Variants in POLR3E observed in about 807,000 individuals in gnomAD.
The protein encoded by POLR3E is DNA-directed RNA polymerase III subunit RPC5.
POLR3E carries 41 observed loss-of-function variants against 96.6 expected under a neutral mutation model. The observed-to-expected ratio is 0.42, with a 90% CI of 0.33 to 0.55. The LOEUF (loss-of-function observed/expected upper bound fraction) is 0.55. Among genes scored for constraint, POLR3E ranks in the 20% least tolerant of loss-of-function variants. The pLI, the probability that POLR3E is intolerant of heterozygous loss-of-function variation, is 0.06. For missense variants in POLR3E, 849 were observed against 952.1 expected, an observed-to-expected ratio of 0.89 and a Z score of 1.43; for synonymous variants, 396 against 383.6, an observed-to-expected ratio of 1.03 and a Z score of -0.38.
In POLR3E at chr16:22,311,268, C is replaced by CTTT. The variant is rs57435708; in HGVS notation, c.364+1778_364+1780dup. On this transcript the variant is annotated intron_variant, in intron 6 of 20. Coordinates refer to ENST00000299853, the MANE Select transcript of POLR3E (RefSeq NM_018119.4). ...ATAGGCATGAGCCACTGTGCCCAGCCTTTTTTTTTTTTTTTTTTTTTTAAT... is the reference window on the plus strand; with the variant it reads ...ATAGGCATGAGCCACTGTGCCCAGCCTTTTTTTTTTTTTTTTTTTTTTTTTAAT... 7.6e-3 allele frequency among the ~76,000 whole-genome samples: 829 copies of CTTT among 109,324 alleles called. 22 individuals carry two copies. Among genetic ancestry groups the CTTT allele is most frequent in the African/African-American group, 0.027 (748 of 27,722 alleles). 71.7% of individuals were successfully genotyped at this position (109,324 alleles called of 152,430 possible).
chr16:22,305,830 T>G (rs2048122441), intron 3 of POLR3E, among the ~76,000 whole-genome samples: 1 of 152,170 alleles, frequency 6.6e-6, no homozygotes. Context: ...GTTGAAAGCA[T>G]TTACCTCAGT....
chr16:22,298,539 G>A (rs1217300175), intron 1 of POLR3E, among the ~76,000 whole-genome samples: 1 of 152,172 alleles, frequency 6.6e-6, no homozygotes, highest in Non-Finnish European at 1.5e-5. Flanking sequence ...GTGGGTCACA[G>A]ATGCCAAGCA....
At chr16:22,303,744 G>T (rs1227126321) in intron 2 of POLR3E, among the ~76,000 whole-genome samples, 1 of 148,758 alleles carries the variant, frequency 6.7e-6, no homozygotes. Context: ...AGGTTCAAGC[G>T]ATTCTCCTGC....
chr16:22,331,872 T>C, intron 19 of POLR3E, 188 bp from the exon 20 acceptor site: 1 of 549,222 alleles, frequency 1.8e-6, no homozygotes, highest in Non-Finnish European at 3.2e-6. Flanking sequence ...TTTTGTGTTT[T>C]TATTTCTGTA....
chr16:22,326,527 G>A, intron 18 of POLR3E: 2 of 567,192 alleles, frequency 3.5e-6, no homozygotes, highest in Non-Finnish European at 6.4e-6. Context: ...CTATTGCCTG[G>A]CCTGCAGCAG....
intron 19 of POLR3E, among the ~76,000 whole-genome samples, chr16:22,329,444 G>A (rs189341055): frequency 2.0e-5 from 3 of 152,246 alleles, no homozygotes; most frequent in East Asian, 3.9e-4. Context: ...GGCCGTGAAC[G>A]TACCTAATTT....
chr16:22,311,734 G>A (rs1332966321), intron 6 of POLR3E, among the ~76,000 whole-genome samples: 1 of 151,946 alleles, frequency 6.6e-6, no homozygotes, highest in African/African-American at 2.4e-5. Context: ...GGGCTCAAGC[G>A]ATCCTCTTGT....
Position 22,305,141 on chromosome 16 carries a change from T to C in POLR3E, c.37-15T>C. 1 of 1,611,174 alleles carries C rather than the reference T, an allele frequency of 6.2e-7. No individual in the cohort carries two copies. Among genetic ancestry groups the C allele is most frequent in the Non-Finnish European group, 8.5e-7 (1 of 1,177,300 alleles). On this transcript the variant is annotated splice_polypyrimidine_tract_variant and intron_variant, in intron 2 of 20. Coordinates refer to ENST00000299853, the MANE Select transcript of POLR3E (RefSeq NM_018119.4). ...TGTCCAGTCTCCCGGTTAAGTCGTCTTCCCTTCTTCCCAGATCGATGTGTA... is the reference window on the plus strand; with the variant it reads ...TGTCCAGTCTCCCGGTTAAGTCGTCCTCCCTTCTTCCCAGATCGATGTGTA...
intron 6 of POLR3E, among the ~76,000 whole-genome samples, chr16:22,312,856 A>T (rs534379636): frequency 7.2e-6 from 1 of 139,338 alleles, no homozygotes; most frequent in Non-Finnish European, 1.5e-5. Context: ...CCTGGGTGAC[A>T]GAGCGACACT....
rs912672442 is a variant in POLR3E, at chr16:22,313,693, C to T, written c.438C>T (p.Asp146=). 7.4e-6 allele frequency: 12 copies of T among 1,613,418 alleles called. No individual in the cohort carries two copies. The highest frequency in any genetic ancestry group is 1.3e-5 in the African/African-American group (1 of 74,918). ...GCTTCTCCTACCTGGATAAGGCTGA[C>T]GCCAAGCACCGGGAGAGGGAGGCGG... The part of the protein sequence containing the change: ...RPSFSYLDKA[D]AKHREREAAN... Residue 146 remains aspartate, a synonymous_variant, in exon 7 of 21, where the codon GAC becomes GAT. Coordinates refer to ENST00000299853, the MANE Select transcript of POLR3E (RefSeq NM_018119.4). The surrounding 1 kb of genome is among the most constrained non-coding windows in gnomAD (Gnocchi z 4.1).
At chr16:22,308,796 G>C (rs2048184338) in intron 4 of POLR3E, 129 bp from the exon 5 acceptor site, 1 of 621,436 alleles carries the variant, frequency 1.6e-6, no homozygotes, top group Non-Finnish European at 2.9e-6. Context: ...AGGGGCCCTT[G>C]GGGACATGTG....
intron 6 of POLR3E, chr16:22,309,858 C>A: frequency 3.5e-6 from 1 of 289,596 alleles, no homozygotes. Context: ...TAGGCAGCAT[C>A]TATCCAAAAG....
At position 22,324,550 on chromosome 16, in the gene POLR3E, G is replaced by A. The variant is rs1332948867; in HGVS notation, c.1176G>A (p.Val392=). Residue 392 remains valine (V), a synonymous_variant, in exon 16 of 21, where the codon GTG becomes GTA. Coordinates refer to ENST00000299853, the MANE Select transcript of POLR3E (RefSeq NM_018119.4). ...VKDFLEHMAV[V]RINKGWEFIL... ...ACTTCCTGGAGCACATGGCCGTGGT[G>A]AGGATCAACAAAGGCTGGGAGTTCA... is the stretch of plus-strand genomic sequence containing the variant. 2 of 1,613,036 alleles carry A rather than the reference G, an allele frequency of 1.2e-6. No individual in the cohort carries two copies. Among genetic ancestry groups the A allele is most frequent in the Non-Finnish European group, 8.5e-7 (1 of 1,179,662 alleles).
Position 22,308,236 on chromosome 16 carries a change from C to A in POLR3E, c.165+11C>A, listed in dbSNP as rs2048175150. 1.9e-6 allele frequency: 3 copies of A among 1,605,950 alleles called. No homozygotes were observed. The highest frequency in any genetic ancestry group is 1.7e-5 in the Admixed American group (1 of 59,962). ...CCCAAGCAGCAGAAGGTGGGGCTGCCCCCTGAGGGCAGTTGGGGCCGAAAG... is the reference window on the plus strand; with the variant it reads ...CCCAAGCAGCAGAAGGTGGGGCTGCACCCTGAGGGCAGTTGGGGCCGAAAG... On this transcript the variant is annotated intron_variant, in intron 4 of 20. Coordinates refer to ENST00000299853, the MANE Select transcript of POLR3E (RefSeq NM_018119.4).
chr16:22,319,091 C>T lies in POLR3E; in HGVS notation c.986+145C>T, dbSNP rs998709257. 1.5e-5 allele frequency: 8 copies of T among 530,930 alleles called. No individual in the cohort carries two copies. In the Admixed American group the frequency reaches 2.3e-4, roughly 15 times the overall value. The allele number at this position is 530,930 out of a possible 1,614,324, so 32.9% of individuals were successfully genotyped here. ...CCAGGTCCAAGCAACTCTCCTGCCT[C>T]AGCCTCCTGAGTAGCTGGGATTATA... On this transcript the variant is annotated intron_variant, in intron 13 of 20. Transcript: ENST00000299853.
At chr16:22,320,854 G>A (rs571897861) in intron 13 of POLR3E, among the ~76,000 whole-genome samples, 1 of 151,986 alleles carries the variant, frequency 6.6e-6, no homozygotes, top group African/African-American at 2.4e-5. Context: ...ATATGATTTT[G>A]TTGTGTTCCG....
intron 20 of POLR3E, 68 bp downstream of exon 20, chr16:22,332,253 G>A (rs2048756569): frequency 3.5e-6 from 5 of 1,428,554 alleles, no homozygotes; most frequent in Admixed American, 2.0e-5. Context: ...GTGTAGAAGG[G>A]ACTCTAGTGT....
At chr16:22,308,806 G>A (rs1178968985) in intron 4 of POLR3E, 119 bp from the exon 5 acceptor site, 2 of 642,078 alleles carry the variant, frequency 3.1e-6, no homozygotes, top group African/African-American at 1.8e-5. Context: ...GGGGACATGT[G>A]TCAGTCTCGC....
At position 22,313,702 on chromosome 16, in the gene POLR3E, C is replaced by T; in HGVS notation, c.447C>T (p.His149=). The change falls in exon 7 of 21, where the codon CAC becomes CAT. Residue 149 remains histidine, a synonymous_variant. Coordinates refer to ENST00000299853, the MANE Select transcript of POLR3E (RefSeq NM_018119.4). This position sits in a 1 kb window ranked among gnomAD's most constrained non-coding sequence, Gnocchi z 4.1. The stretch of plus-strand genomic sequence containing the variant: ...ACCTGGATAAGGCTGACGCCAAGCA[C>T]CGGGAGAGGGAGGCGGCCAACGAGG... ...FSYLDKADAK[H]REREAANEAG... The T allele has an allele frequency of 6.2e-7, 1 of 1,613,220 alleles. No homozygotes were observed. Among genetic ancestry groups the T allele is most frequent in the South Asian group, 1.1e-5 (1 of 91,068 alleles).
Sources: gnomAD v4.1 joint callset for allele counts (sites outside exome capture counted in the v4.1 genomes callset) on GRCh38, gnomAD v4.1.1 for gene constraint, Gnocchi (gnomAD v3.1) non-coding constraint, MANE v1.5 for transcripts, NCBI Gene and HGNC (gene_info 2026-07-23, HGNC 2026-07-21) for gene names.